The following IQCM variants were observed in gnomAD, a reference collection of about 807,000 sequenced individuals.
IQCM encodes the protein IQ motif containing M, also known as IQ domain-containing protein M.
Under a neutral mutation model 57.6 loss-of-function variants are expected in IQCM, and 45 were observed. The ratio of observed to expected loss-of-function variants is 0.78; its 90% CI spans 0.62 to 1.00. The LOEUF (loss-of-function observed/expected upper bound fraction) is 1.00, where lower values mean the gene tolerates loss of function less well. Ranked by LOEUF, IQCM falls within the 50% of genes least tolerant of loss-of-function variation. IQCM has a pLI of 0.00. For missense variants in IQCM, 468 were observed against 511.6 expected (o/e 0.91, Z 0.82); for synonymous variants, 148 against 158.9 (o/e 0.93, Z 0.51).
At position 149,622,386 on chromosome 4, in the gene IQCM, A is replaced by AG. The variant is rs1232624963; in HGVS notation, c.566-1143dup. Among the ~76,000 whole-genome samples, 11 of 138,308 alleles carry AG rather than the reference A, an allele frequency of 8.0e-5. No individual in the cohort carries two copies. The East Asian group carries it at 2.4e-3, about 30-fold the overall frequency. 90.7% of individuals were successfully genotyped at this position (138,308 alleles called of 152,430 possible). On this transcript the variant is annotated intron_variant, in intron 7 of 13. Transcript: ENST00000636793. ...GAGACGTAGTCTCACTCTTTCCCCC[A>AG]GGCTGGAGTGCAGTGGTGCGATCTC... is the stretch of plus-strand genomic sequence containing the variant.
At chr4:149,790,184 G>A in intron 2 of IQCM, 1 of 421,358 alleles carries the variant, frequency 2.4e-6, no homozygotes. Flanking sequence ...GAAAGTTTGG[G>A]AAGAACATGA....
At chr4:149,599,566 A>G (rs939574411) in intron 8 of IQCM, among the ~76,000 whole-genome samples, 2 of 152,122 alleles carry the variant, frequency 1.3e-5, no homozygotes, top group Non-Finnish European at 1.5e-5. Context: ...AGGTATACAT[A>G]TATATACTCT....
chr4:149,479,004 T>C (rs1333061048), intron 12 of IQCM, among the ~76,000 whole-genome samples: 1 of 151,912 alleles, frequency 6.6e-6, no homozygotes. Context: ...TAGTTGATGA[T>C]GATTAGAGTC....
At chr4:149,578,952 T>C (rs1200673828) in intron 9 of IQCM, among the ~76,000 whole-genome samples, 1 of 151,860 alleles carries the variant, frequency 6.6e-6, no homozygotes. Context: ...CTTTTGCCTC[T>C]CTATTCACCC....
intron 7 of IQCM, among the ~76,000 whole-genome samples, chr4:149,631,633 A>ATCC (rs1757273195): frequency 2.6e-5 from 4 of 152,352 alleles, no homozygotes; most frequent in African/African-American, 9.6e-5. Flanking sequence ...GACTTCACAA[A>ATCC]ATTGTGCCAA....
intron 2 of IQCM, among the ~76,000 whole-genome samples, chr4:149,808,211 A>T (rs950528527): frequency 6.6e-6 from 1 of 152,190 alleles, no homozygotes; most frequent in African/African-American, 2.4e-5. Context: ...GTATAGATGC[A>T]CAATGCAATA....
intron 10 of IQCM, among the ~76,000 whole-genome samples, chr4:149,553,712 G>A (rs1277171315): frequency 2.0e-5 from 3 of 152,120 alleles, no homozygotes; most frequent in Non-Finnish European, 2.9e-5. Context: ...ATACATTCAT[G>A]TCCTTTACCT....
At chr4:149,450,984 G>A (rs774193671) in intron 12 of IQCM, among the ~76,000 whole-genome samples, 1 of 151,232 alleles carries the variant, frequency 6.6e-6, no homozygotes, top group Non-Finnish European at 1.5e-5. Flanking sequence ...GGAATAAGCC[G>A]AATGTGTTTA....
At chr4:149,388,601 C>CAT (rs200390063) in intron 13 of IQCM, among the ~76,000 whole-genome samples, 66,334 of 137,280 alleles carry the variant, frequency 0.48, 16,266 homozygotes, top group African/African-American at 0.54. Flanking sequence ...CATATATACA[C>CAT]ATATATAGGC....
chr4:149,361,303 A>C (rs1384889631), intron 13 of IQCM, among the ~76,000 whole-genome samples: 3 of 152,222 alleles, frequency 2.0e-5, no homozygotes, highest in Non-Finnish European at 4.4e-5. Context: ...AATAGAAAAG[A>C]AAACCCCATT....
At chr4:149,681,803 A>G (rs1427701009) in intron 7 of IQCM, among the ~76,000 whole-genome samples, 5 of 151,218 alleles carry the variant, frequency 3.3e-5, no homozygotes, top group Admixed American at 6.6e-5. Context: ...TCTTTTAAAG[A>G]ATTGTATGTA....
At chr4:149,544,107 TA>T (rs529999230) in intron 12 of IQCM, among the ~76,000 whole-genome samples, 3 of 151,870 alleles carry the variant, frequency 2.0e-5, no homozygotes, top group Non-Finnish European at 2.9e-5. Context: ...TTCTTTAGAT[TA>T]AAAAAAAGAT....
At chr4:149,404,410 A>G (rs1051401593) in intron 13 of IQCM, among the ~76,000 whole-genome samples, 2 of 152,088 alleles carry the variant, frequency 1.3e-5, no homozygotes, top group African/African-American at 4.8e-5. Context: ...ATGGAAACTC[A>G]CAGAAAAGTT....
intron 7 of IQCM, among the ~76,000 whole-genome samples, chr4:149,642,712 A>C (rs557224942): frequency 6.6e-6 from 1 of 152,140 alleles, no homozygotes; most frequent in Non-Finnish European, 1.5e-5. Flanking sequence ...TTTGAGAATG[A>C]CTTTCGTTTC....
At chr4:149,495,934 T>G (rs566447184) in intron 12 of IQCM, among the ~76,000 whole-genome samples, 30 of 152,294 alleles carry the variant, frequency 2.0e-4, no homozygotes, top group African/African-American at 7.2e-4. Flanking sequence ...TTATAGCTCC[T>G]TACTTACATG....
chr4:149,731,243 A>C (rs533285983), intron 5 of IQCM, among the ~76,000 whole-genome samples: 7 of 152,196 alleles, frequency 4.6e-5, no homozygotes, highest in Non-Finnish European at 8.8e-5. Context: ...TCATAAAGGA[A>C]ATTAATGTCC....
At chr4:149,466,027 G>A (rs989816106) in intron 12 of IQCM, among the ~76,000 whole-genome samples, 1 of 152,134 alleles carries the variant, frequency 6.6e-6, no homozygotes, top group Non-Finnish European at 1.5e-5. Flanking sequence ...AAAGCACACT[G>A]ATTAATAGCA....
In IQCM at chr4:149,474,664, C is replaced by G. The variant is rs199642205; in HGVS notation, c.1229-41107G>C. On this transcript the variant is annotated intron_variant, in intron 12 of 13. Coordinates refer to ENST00000636793, the MANE Select transcript of IQCM (RefSeq NM_001363507.2). ...CTCGGGAGGCAGAGGTTGCAGTGAG[C>G]CGAGATCGTGTCCTTGTACTCCAGC... Among the ~76,000 whole-genome samples, 17 of 151,682 alleles carry G rather than the reference C, an allele frequency of 1.1e-4. No homozygotes were observed. The East Asian group carries it at 2.5e-3, about 22-fold the overall frequency.
intron 13 of IQCM, among the ~76,000 whole-genome samples, chr4:149,396,840 C>T (rs1314283750): frequency 6.6e-6 from 1 of 152,016 alleles, no homozygotes; most frequent in Non-Finnish European, 1.5e-5. Context: ...GTTTATTTCT[C>T]TCAGCATAAT....
Sources: allele counts gnomAD v4.1 joint callset (sites outside exome capture counted in the v4.1 genomes callset), GRCh38; gene constraint gnomAD v4.1.1; transcripts MANE v1.5; gene names NCBI Gene and HGNC (gene_info 2026-07-23, HGNC 2026-07-21).